Variants in ATP8A1 observed in about 807,000 individuals in gnomAD.
ATP8A1 encodes the protein ATPase phospholipid transporting 8A1, also known as phospholipid-transporting ATPase IA.
A neutral mutation model predicts 177.7 loss-of-function variants in ATP8A1; 90 were observed. The ratio of observed to expected loss-of-function variants is 0.51; its 90% CI spans 0.43 to 0.60. ATP8A1 has a LOEUF of 0.60. Ranked by LOEUF, ATP8A1 falls within the 20% of genes least tolerant of loss-of-function variation. The probability of loss-of-function intolerance (pLI) is 0.00; values close to 1 mark genes in which losing one functional copy is unlikely to be tolerated. For synonymous variants in ATP8A1, 493 were observed against 485.9 expected, an observed-to-expected ratio of 1.01 and a Z score of -0.19; for missense variants, 1,072 against 1,392.8, an observed-to-expected ratio of 0.77 and a Z score of 3.67.
At chr4:42,527,279 C>T (rs868839003) in intron 20 of ATP8A1, among the ~76,000 whole-genome samples, 1 of 152,146 alleles carries the variant, frequency 6.6e-6, no homozygotes, top group Non-Finnish European at 1.5e-5. Flanking sequence ...GCATGCGTAG[C>T]CTCAACAGGT....
chr4:42,448,143 G>C (rs1717485266), intron 30 of ATP8A1, among the ~76,000 whole-genome samples: 1 of 152,062 alleles, frequency 6.6e-6, no homozygotes. Context: ...TTTCTGAAAA[G>C]TATTTTCCAA....
At chr4:42,635,811 A>ATATATATATATATATATATG (rs60299442) in intron 1 of ATP8A1, among the ~76,000 whole-genome samples, 2 of 109,652 alleles carry the variant, frequency 1.8e-5, no homozygotes, top group African/African-American at 5.4e-5. Context: ...ATATATATAT[A>ATATATATATATATATATATG]CACATGTATG....
At chr4:42,473,422 T>G (rs11725164) in intron 25 of ATP8A1, among the ~76,000 whole-genome samples, 37,155 of 151,896 alleles carry the variant, frequency 0.24, 4,575 homozygotes, top group Middle Eastern at 0.29. Flanking sequence ...TAGGGAGCCT[T>G]GCCAATGGGA....
At chr4:42,588,514 C>T (rs1029969478) in intron 7 of ATP8A1, 185 bp from the exon 8 acceptor site, 8 of 496,688 alleles carry the variant, frequency 1.6e-5, no homozygotes, top group African/African-American at 5.9e-5. Flanking sequence ...TGACAACTCA[C>T]GGATTAGCTT....
chr4:42,581,409 A>AG (rs1386413585), intron 10 of ATP8A1, among the ~76,000 whole-genome samples: 1 of 152,232 alleles, frequency 6.6e-6, no homozygotes, highest in African/African-American at 2.4e-5. Flanking sequence ...CTGGGATTAC[A>AG]GGCGTGAGCC....
chr4:42,439,174 C>G (rs1410544353), intron 33 of ATP8A1, among the ~76,000 whole-genome samples: 1 of 152,088 alleles, frequency 6.6e-6, no homozygotes, highest in African/African-American at 2.4e-5. Context: ...AGCAAAATAT[C>G]TGTGCCCTTT....
At chr4:42,424,908 G>A (rs772377128) in intron 33 of ATP8A1, among the ~76,000 whole-genome samples, 5 of 152,132 alleles carry the variant, frequency 3.3e-5, no homozygotes, top group Non-Finnish European at 5.9e-5. Flanking sequence ...TGGGTTCAAT[G>A]AAATAGCACC....
chr4:42,440,979 T>C (rs1185916326), intron 33 of ATP8A1, among the ~76,000 whole-genome samples: 1 of 152,142 alleles, frequency 6.6e-6, no homozygotes, highest in East Asian at 1.9e-4. Context: ...AGGACTGGGA[T>C]CCTGGGGATA....
chr4:42,580,885 T>C (rs1046158784), intron 10 of ATP8A1, among the ~76,000 whole-genome samples: 4 of 152,162 alleles, frequency 2.6e-5, no homozygotes, highest in Non-Finnish European at 4.4e-5. Context: ...ATAAATGCTA[T>C]GAAAAATGGT....
chr4:42,602,612 C>CA (rs1289494344), intron 5 of ATP8A1, among the ~76,000 whole-genome samples: 1 of 151,478 alleles, frequency 6.6e-6, no homozygotes, highest in African/African-American at 2.4e-5. Context: ...AAAAAAACAC[C>CA]AAAAAAATTA....
chr4:42,418,322 G>C (rs1713475209), intron 35 of ATP8A1, among the ~76,000 whole-genome samples: 1 of 151,060 alleles, frequency 6.6e-6, no homozygotes, highest in South Asian at 2.1e-4. Flanking sequence ...AATATCTACA[G>C]TGAGAAATAA....
At chr4:42,418,139 A>C (rs1713455634) in intron 35 of ATP8A1, among the ~76,000 whole-genome samples, 1 of 152,144 alleles carries the variant, frequency 6.6e-6, no homozygotes, top group Non-Finnish European at 1.5e-5. Flanking sequence ...TAGAGAGAGC[A>C]CTGTCACCAT....
chr4:42,642,031 G>A (rs1740046331), intron 1 of ATP8A1, among the ~76,000 whole-genome samples: 1 of 151,768 alleles, frequency 6.6e-6, no homozygotes, highest in Admixed American at 6.6e-5. Context: ...AAAACATCCA[G>A]TGAAGAAACT....
At chr4:42,503,192 C>G (rs1256858516) in intron 24 of ATP8A1, among the ~76,000 whole-genome samples, 1 of 152,198 alleles carries the variant, frequency 6.6e-6, no homozygotes, top group African/African-American at 2.4e-5. Context: ...TGACATAATG[C>G]TTTTGTAAAA....
At chr4:42,485,868 C>T (rs1196768088) in intron 24 of ATP8A1, among the ~76,000 whole-genome samples, 200 bp from the exon 25 acceptor site, 1 of 152,138 alleles carries the variant, frequency 6.6e-6, no homozygotes, top group Non-Finnish European at 1.5e-5. Context: ...AAGTTAGTTA[C>T]TTGATTGAAG....
In ATP8A1 at chr4:42,601,414, G is replaced by C. The variant is rs376841759; in HGVS notation, c.410-896C>G. 4.9e-4 allele frequency among the ~76,000 whole-genome samples: 74 copies of C among 150,378 alleles called. No individual in the cohort carries two copies. The South Asian group carries it at 0.015, about 31-fold the overall frequency. ...GAAGAAGAGGCTACTATTAAATTATGATGGGGGGTAGGTATTTCTTAGGGT... is the reference window on the plus strand; with the variant it reads ...GAAGAAGAGGCTACTATTAAATTATCATGGGGGGTAGGTATTTCTTAGGGT... On this transcript the variant is annotated intron_variant, in intron 5 of 36. Transcript: ENST00000381668.
chr4:42,634,655 TA>T (rs1739091970), intron 1 of ATP8A1, among the ~76,000 whole-genome samples: 1 of 152,202 alleles, frequency 6.6e-6, no homozygotes, highest in Non-Finnish European at 1.5e-5. Context: ...AATTAACCTT[TA>T]GCTACCTACG....
In ATP8A1 at chr4:42,465,697, G is replaced by A. The variant is rs1373896359; in HGVS notation, c.2325-621C>T. Among the ~76,000 whole-genome samples, 5 of 152,104 alleles carry A rather than the reference G, an allele frequency of 3.3e-5. No individual in the cohort carries two copies. The South Asian group carries it at 6.2e-4, about 19-fold the overall frequency. ...TAAAATCATATCTGGTATTAGATTT[G>A]GAGTTACTTTTCACAGACTTTCTAA... On this transcript the variant is annotated intron_variant, in intron 25 of 36. Transcript: ENST00000381668.
chr4:42,558,127 T>C (rs1198079259), intron 15 of ATP8A1, among the ~76,000 whole-genome samples: 3 of 152,196 alleles, frequency 2.0e-5, no homozygotes, highest in African/African-American at 7.2e-5. Flanking sequence ...GTTGGATAAC[T>C]CTGGCATGGA....
Sources: allele counts gnomAD v4.1 joint callset (sites outside exome capture counted in the v4.1 genomes callset), GRCh38; gene constraint gnomAD v4.1.1; transcripts MANE v1.5; gene names NCBI Gene and HGNC (gene_info 2026-07-23, HGNC 2026-07-21).